Variants in COL13A1 observed in about 807,000 individuals in gnomAD.
The protein encoded by COL13A1 is collagen type XIII alpha 1 chain, also known as collagen alpha-1(XIII) chain.
Under a neutral mutation model 130.9 loss-of-function variants are expected in COL13A1, and 89 were observed. The ratio of observed to expected loss-of-function variants is 0.68; its 90% CI spans 0.57 to 0.81. The LOEUF (loss-of-function observed/expected upper bound fraction) is 0.81. Among genes scored for constraint, COL13A1 ranks in the 30% least tolerant of loss-of-function variants. The probability of loss-of-function intolerance (pLI) is 0.00; values close to 1 mark genes in which losing one functional copy is unlikely to be tolerated. For synonymous variants in COL13A1, 402 were observed against 341.6 expected, an observed-to-expected ratio of 1.18 and a Z score of -1.95; for missense variants, 879 against 934.6, an observed-to-expected ratio of 0.94 and a Z score of 0.78.
chr10:69,903,783 T>C (rs552173342), intron 15 of COL13A1, among the ~76,000 whole-genome samples: 44 of 152,324 alleles, frequency 2.9e-4, no homozygotes, highest in Non-Finnish European at 4.6e-4. Flanking sequence ...GCATCTCTGA[T>C]AGTTTTGCTG....
intron 2 of COL13A1, among the ~76,000 whole-genome samples, chr10:69,860,522 C>T (rs1259696988): frequency 6.6e-6 from 1 of 152,226 alleles, no homozygotes; most frequent in Non-Finnish European, 1.5e-5. Flanking sequence ...TTCAGGTTCT[C>T]ATCAGCTGTC....
chr10:69,820,646 C>T (rs1820432545), intron 1 of COL13A1, among the ~76,000 whole-genome samples: 1 of 152,334 alleles, frequency 6.6e-6, no homozygotes, highest in South Asian at 2.1e-4. Flanking sequence ...AACATTCATC[C>T]TCCTAATTGT....
intron 1 of COL13A1, among the ~76,000 whole-genome samples, chr10:69,804,234 G>C (rs1011618861): frequency 6.6e-6 from 1 of 151,958 alleles, no homozygotes; most frequent in African/African-American, 2.4e-5. Context: ...CAGGTATCTC[G>C]GGGGTCCTGG....
chr10:69,842,640 A>G (rs1165699651), intron 2 of COL13A1, among the ~76,000 whole-genome samples: 5 of 152,198 alleles, frequency 3.3e-5, no homozygotes, highest in Non-Finnish European at 7.3e-5. Context: ...ATTTGGTACA[A>G]CTGTGCTCCA....
chr10:69,820,334 C>T lies in COL13A1; in HGVS notation c.295-2035C>T, dbSNP rs1845737660. On this transcript the variant is annotated intron_variant, in intron 1 of 40. Coordinates refer to ENST00000645393, the MANE Select transcript of COL13A1 (RefSeq NM_001368882.1). ...CCCTGTGATGGCAGCTTGCTCAGTGCTGCTGCTGAGTGGGTGACAACTCCG... is the reference window on the plus strand; with the variant it reads ...CCCTGTGATGGCAGCTTGCTCAGTGTTGCTGCTGAGTGGGTGACAACTCCG... 2.0e-5 allele frequency among the ~76,000 whole-genome samples: 3 copies of T among 152,344 alleles called. No homozygotes were observed. The South Asian group carries it at 6.2e-4, about 32-fold the overall frequency.
Position 69,917,366 on chromosome 10 carries a change from C to T in COL13A1, c.966+33C>T, listed in dbSNP as rs544206693. The T allele has an allele frequency of 1.0e-5, 16 of 1,594,444 alleles. No individual in the cohort carries two copies. In the South Asian group the frequency reaches 1.8e-4, roughly 18 times the overall value. ...CCCCTTCCCCACATCCCAGGCAGCC[C>T]CAAGGCCCCTCCCCCAGTGCCCATC... On this transcript the variant is annotated intron_variant, in intron 18 of 40. Transcript: ENST00000645393.
In COL13A1 at chr10:69,925,879, A is replaced by C; in HGVS notation, c.1398+7A>C. On this transcript the variant is annotated splice_region_variant and intron_variant, in intron 26 of 40. Coordinates refer to ENST00000645393, the MANE Select transcript of COL13A1 (RefSeq NM_001368882.1). ...CATCAATGAGGCTCTCCAGGTGAGCAGGGTCCAGCCCAGAGGCCAAGATCC... is the reference window on the plus strand; with the variant it reads ...CATCAATGAGGCTCTCCAGGTGAGCCGGGTCCAGCCCAGAGGCCAAGATCC... 1 of 1,585,642 alleles carries C rather than the reference A, an allele frequency of 6.3e-7. No homozygotes were observed. Among genetic ancestry groups the C allele is most frequent in the Non-Finnish European group, 8.6e-7 (1 of 1,165,498 alleles).
intron 2 of COL13A1, among the ~76,000 whole-genome samples, chr10:69,823,666 G>C (rs1009270186): frequency 1.3e-5 from 2 of 152,190 alleles, no homozygotes; most frequent in Non-Finnish European, 2.9e-5. Flanking sequence ...TGAATGGGCT[G>C]GGGTGGGAGT....
chr10:69,832,669 C>A (rs1435747036), intron 2 of COL13A1, among the ~76,000 whole-genome samples: 1 of 152,100 alleles, frequency 6.6e-6, no homozygotes, highest in Non-Finnish European at 1.5e-5. Context: ...GTGCAGGTGA[C>A]CATTGATTCC....
chr10:69,944,050 C>A, intron 35 of COL13A1, 75 bp from the exon 36 acceptor site: 1 of 1,271,608 alleles, frequency 7.9e-7, no homozygotes, highest in Non-Finnish European at 1.1e-6. Flanking sequence ...TTGCTCATCT[C>A]TAGGCATCAG....
chr10:69,950,361 C>T (rs569302036), intron 38 of COL13A1, among the ~76,000 whole-genome samples: 55 of 152,300 alleles, frequency 3.6e-4, no homozygotes, highest in African/African-American at 1.2e-3. Flanking sequence ...CCTCAAAGGA[C>T]ACCGGATTTG....
chr10:69,923,724 G>C, intron 23 of COL13A1, 78 bp from the exon 24 acceptor site: 1 of 1,537,540 alleles, frequency 6.5e-7, no homozygotes, highest in South Asian at 1.2e-5. Context: ...GGCATGAGCG[G>C]CAAGACCATC....
In COL13A1 at chr10:69,877,934, G is replaced by T. The variant is rs954342827; in HGVS notation, c.436-105G>T. On this transcript the variant is annotated intron_variant, in intron 5 of 40. Transcript: ENST00000645393. ...CAGTGATTTCTTCTGTTTGGTTGTTGTGCTATGAACATGGATTCTCGTGTG... is the reference window on the plus strand; with the variant it reads ...CAGTGATTTCTTCTGTTTGGTTGTTTTGCTATGAACATGGATTCTCGTGTG... The T allele has an allele frequency of 2.1e-5, 14 of 674,984 alleles. No homozygotes were observed. The African/African-American group carries it at 2.5e-4, about 12-fold the overall frequency. The allele number at this position is 674,984 out of a possible 1,614,324, so 41.8% of individuals were successfully genotyped here.
chr10:69,839,630 G>A (rs928000553), intron 2 of COL13A1, among the ~76,000 whole-genome samples: 10 of 152,224 alleles, frequency 6.6e-5, no homozygotes, highest in Admixed American at 2.6e-4. Context: ...CTAGAAGAGT[G>A]TCCATGAGAT....
At position 69,957,039 on chromosome 10, in the gene COL13A1, C is replaced by A. The variant is rs1203954783; in HGVS notation, c.2181C>A (p.Asn727Lys). Residue 727 changes from asparagine (N) to lysine (K), a missense_variant, in exon 40 of 41, where the codon AAC becomes AAA. This residue lies in a region of COL13A1 where 68 missense variants were observed against 65.8 expected (regional missense o/e 1.03). Transcript: ENST00000645393. ...GCTTACCAGTCCAAGGCTGCTGGAA[C>A]AAGGTAAGGCTTCCCATTGGTGTGC... Reference protein sequence around the residue: ...EDGLPVQGCWNK With the variant: ...EDGLPVQGCWKK The A allele has an allele frequency of 1.9e-6, 3 of 1,613,486 alleles. No individual in the cohort carries two copies. Among genetic ancestry groups the A allele is most frequent in the Non-Finnish European group, 2.5e-6 (3 of 1,179,442 alleles).
chr10:69,929,062 C>T, intron 28 of COL13A1, 63 bp downstream of exon 28: 2 of 1,330,192 alleles, frequency 1.5e-6, no homozygotes, highest in Non-Finnish European at 2.1e-6. Context: ...AGGGCTTCCC[C>T]TCCCCCTGTG....
chr10:69,853,705 T>C lies in COL13A1; in HGVS notation c.365-14093T>C, dbSNP rs139916179. 7.7e-3 allele frequency among the ~76,000 whole-genome samples: 1,169 copies of C among 152,318 alleles called. 3 individuals carry two copies. Among genetic ancestry groups the C allele is most frequent in the Middle Eastern group, 0.048 (14 of 294 alleles). The stretch of plus-strand genomic sequence containing the variant: ...ACCAACTCAAAGATAAATCACGTTA[T>C]ATGATCTTTAAACGCAGCCATGTTA... On this transcript the variant is annotated intron_variant, in intron 2 of 40. Coordinates refer to ENST00000645393, the MANE Select transcript of COL13A1 (RefSeq NM_001368882.1).
rs764757184 is a variant in COL13A1 at position 69,902,790 on chromosome 10, C to T, written c.793C>T (p.Pro265Ser). ...CAGCATCCAAGGTCCACCAGGGCCC[C>T]CAGGCCCCCCTGGACCAAGTGGACC... ...QASIQGPPGP[P>S]GPPGPSGPLG... The change falls in exon 15 of 41, where the codon CCA becomes TCA. Residue 265 changes from proline to serine, a missense_variant. Physicochemically the swap from Pro to Ser is moderately conservative, Grantham distance 74. This residue lies in a region of COL13A1 where 715 missense variants were observed against 721.0 expected (regional missense o/e 0.99). Transcript: ENST00000645393. 2.1e-5 allele frequency: 32 copies of T among 1,554,824 alleles called. No homozygotes were observed. The South Asian group carries it at 3.8e-4, about 19-fold the overall frequency.
chr10:69,925,972 TGCCCTCAG>T, intron 26 of COL13A1, 100 bp downstream of exon 26: 1 of 980,266 alleles, frequency 1.0e-6, no homozygotes, highest in Non-Finnish European at 1.6e-6. Flanking sequence ...GTAGGGGCCC[TGCCCTCAG>T]GCCCTCAGGC....
Sources: allele counts gnomAD v4.1 joint callset (sites outside exome capture counted in the v4.1 genomes callset), GRCh38; gene constraint gnomAD v4.1.1; regional missense constraint gnomAD v4.1.1; transcripts MANE v1.5; gene names NCBI Gene and HGNC (gene_info 2026-07-23, HGNC 2026-07-21).